CSMD1: variants seen among roughly 807,000 people sequenced by gnomAD.
CSMD1 encodes CUB and sushi domain-containing protein 1.
Under a neutral mutation model 417.5 loss-of-function variants are expected in CSMD1, and 213 were observed. The ratio of observed to expected loss-of-function variants is 0.51; its 90% confidence interval spans 0.46 to 0.57. CSMD1 has a LOEUF of 0.57. CSMD1 is among the 20% of genes least tolerant of loss of function. The probability of loss-of-function intolerance (pLI) is 0.00; values close to 1 mark genes in which losing one functional copy is unlikely to be tolerated. For synonymous variants in CSMD1, 2,862 were observed against 1,736.8 expected (o/e 1.65, Z -16.11); for missense variants, 6,923 against 4,529.7 (o/e 1.53, Z -15.17).
chr8:3,313,194 A>G (rs1264007177), intron 23 of CSMD1, among the ~76,000 whole-genome samples: 3 of 152,234 alleles, frequency 2.0e-5, no homozygotes, highest in Non-Finnish European at 4.4e-5. Flanking sequence ...AATACCATTC[A>G]GGACATAGGC....
chr8:3,085,064 A>G (rs1409372801), intron 49 of CSMD1, among the ~76,000 whole-genome samples: 1 of 152,158 alleles, frequency 6.6e-6, no homozygotes, highest in Non-Finnish European at 1.5e-5. Context: ...CAGAATTAGT[A>G]TTTGCGAGAT....
chr8:3,756,070 A>T (rs2129054506), intron 5 of CSMD1, among the ~76,000 whole-genome samples: 1 of 152,174 alleles, frequency 6.6e-6, no homozygotes, highest in African/African-American at 2.4e-5. Flanking sequence ...TTAAAAAATC[A>T]TTGTGGCCGG....
chr8:4,738,373 G>C (rs1274391143), intron 1 of CSMD1, among the ~76,000 whole-genome samples: 1 of 152,148 alleles, frequency 6.6e-6, no homozygotes, highest in African/African-American at 2.4e-5. Flanking sequence ...CGTAGCAAAA[G>C]GGCAGCAAAC....
At chr8:3,118,774 T>C (rs551113893) in intron 41 of CSMD1, among the ~76,000 whole-genome samples, 187 bp from the exon 42 acceptor site, 37 of 152,206 alleles carry the variant, frequency 2.4e-4, no homozygotes, top group Non-Finnish European at 4.7e-4. Context: ...AGTAGAATCA[T>C]AACCATATGC....
At chr8:3,668,454 G>A (rs926683261) in intron 7 of CSMD1, among the ~76,000 whole-genome samples, 2 of 152,112 alleles carry the variant, frequency 1.3e-5, no homozygotes, top group Non-Finnish European at 2.9e-5. Context: ...GTTTATTCAG[G>A]TGGAGAGATG....
intron 12 of CSMD1, among the ~76,000 whole-genome samples, chr8:3,417,084 A>G (rs73657872): frequency 0.019 from 2,858 of 152,318 alleles, 53 homozygotes; most frequent in East Asian, 0.096. Context: ...TTGTGCTTGC[A>G]TTACCAAATT....
chr8:4,427,786 T>C (rs573541717), intron 2 of CSMD1, among the ~76,000 whole-genome samples: 1 of 152,324 alleles, frequency 6.6e-6, no homozygotes, highest in East Asian at 1.9e-4. Context: ...CAGATTTTTA[T>C]CACAATGTAT....
chr8:4,054,930 T>C (rs1798614181), intron 3 of CSMD1, among the ~76,000 whole-genome samples: 1 of 152,100 alleles, frequency 6.6e-6, no homozygotes, highest in Non-Finnish European at 1.5e-5. Context: ...CTCTTTTAAA[T>C]CAATAAAGTA....
intron 23 of CSMD1, among the ~76,000 whole-genome samples, chr8:3,342,873 G>A (rs147586564): frequency 7.4e-4 from 102 of 137,232 alleles, no homozygotes; most frequent in African/African-American, 2.7e-3. Context: ...ACATATATAT[G>A]ATTAAATGTA....
intron 3 of CSMD1, among the ~76,000 whole-genome samples, chr8:4,095,082 T>G (rs1585302658): frequency 6.6e-6 from 1 of 152,268 alleles, no homozygotes; most frequent in African/African-American, 2.4e-5. Context: ...CTTGGATTAA[T>G]GTAACTGCAG....
chr8:4,647,020 G>A lies in CSMD1; in HGVS notation c.86-9462C>T, dbSNP rs115056119. Among the ~76,000 whole-genome samples, 4 of 152,040 alleles carry A rather than the reference G, an allele frequency of 2.6e-5. No individual in the cohort carries two copies. The East Asian group carries it at 5.8e-4, about 22-fold the overall frequency. On this transcript the variant is annotated intron_variant, in intron 1 of 69. Transcript: ENST00000635120. ...AGACTAACAGCCAAGGTGCTGACAC[G>A]GCCCTCCTCTAGGCCATCCAAAGTG...
intron 39 of CSMD1, 108 bp from the exon 40 acceptor site, chr8:3,151,621 T>A: frequency 1.5e-6 from 1 of 682,982 alleles, no homozygotes; most frequent in Non-Finnish European, 2.6e-6. Flanking sequence ...GTCTTCGGAG[T>A]TAATTCTGCC....
At chr8:3,275,417 T>G (rs1802205476) in intron 26 of CSMD1, among the ~76,000 whole-genome samples, 1 of 152,190 alleles carries the variant, frequency 6.6e-6, no homozygotes, top group Admixed American at 6.5e-5. Context: ...TTGGTGTTGC[T>G]CTTCTCGAGG....
intron 5 of CSMD1, among the ~76,000 whole-genome samples, chr8:3,836,500 A>C (rs1210620632): frequency 6.6e-6 from 1 of 152,120 alleles, no homozygotes; most frequent in African/African-American, 2.4e-5. Flanking sequence ...TGTATATACT[A>C]ATTTTAAGCC....
chr8:4,830,264 G>A (rs939873938), intron 1 of CSMD1, among the ~76,000 whole-genome samples: 1 of 152,150 alleles, frequency 6.6e-6, no homozygotes, highest in Non-Finnish European at 1.5e-5. Flanking sequence ...ATGAATTCAA[G>A]CTTGGTAAAG....
At chr8:3,466,642 T>G (rs140332011) in intron 12 of CSMD1, among the ~76,000 whole-genome samples, 7,546 of 149,580 alleles carry the variant, frequency 0.05, 263 homozygotes, top group Non-Finnish European at 0.075. Flanking sequence ...TTGGCCAGGC[T>G]GGTCTGGAAC....
intron 1 of CSMD1, among the ~76,000 whole-genome samples, chr8:4,780,910 T>A (rs1038566940): frequency 1.3e-5 from 2 of 152,220 alleles, no homozygotes; most frequent in African/African-American, 2.4e-5. Flanking sequence ...CATTCCTTAT[T>A]GTAATTATTT....
intron 2 of CSMD1, among the ~76,000 whole-genome samples, chr8:4,606,298 C>G (rs186829659): frequency 2.0e-5 from 3 of 151,930 alleles, no homozygotes; most frequent in East Asian, 1.9e-4. Context: ...GACTTAGAGT[C>G]TGTTTATAAA....
chr8:4,215,912 G>A (rs563513487), intron 3 of CSMD1, among the ~76,000 whole-genome samples: 1 of 152,172 alleles, frequency 6.6e-6, no homozygotes, highest in Non-Finnish European at 1.5e-5. Flanking sequence ...CAAGAACAAA[G>A]AGAACGTGGA....
Sources: allele counts gnomAD v4.1 joint callset (sites outside exome capture counted in the v4.1 genomes callset), GRCh38; gene constraint gnomAD v4.1.1; transcripts MANE v1.5; gene names NCBI Gene and HGNC (gene_info 2026-07-23, HGNC 2026-07-21).